Variants in IGF2R observed in about 807,000 individuals in gnomAD.
IGF2R encodes cation-independent mannose-6-phosphate receptor.
A neutral mutation model predicts 270.6 loss-of-function variants in IGF2R; 91 were observed. That is an observed-to-expected ratio of 0.34 (90% CI 0.28 to 0.40). IGF2R has a LOEUF of 0.40. IGF2R is among the 10% of genes least tolerant of loss of function. IGF2R has a pLI of 1.00. For synonymous variants in IGF2R, 1,316 were observed against 1,258.9 expected, an observed-to-expected ratio of 1.05 and a Z score of -0.96; for missense variants, 2,805 against 3,188.3, an observed-to-expected ratio of 0.88 and a Z score of 2.90.
chr6:159,990,561 A>T (rs1783961382), intron 1 of IGF2R, among the ~76,000 whole-genome samples: 1 of 152,190 alleles, frequency 6.6e-6, no homozygotes, highest in Non-Finnish European at 1.5e-5. Flanking sequence ...GTATGTCTTT[A>T]TTAGCAGTGT....
intron 31 of IGF2R, among the ~76,000 whole-genome samples, chr6:160,070,847 G>A (rs1778703725): frequency 6.6e-6 from 1 of 152,216 alleles, no homozygotes; most frequent in Non-Finnish European, 1.5e-5. Context: ...CTTCAGGCCT[G>A]CCCTCTTGCC....
chr6:160,043,012 A>C, intron 11 of IGF2R, 136 bp from the exon 12 acceptor site: 1 of 871,152 alleles, frequency 1.1e-6, no homozygotes, highest in Non-Finnish European at 1.8e-6. Context: ...CGGGTTCCAG[A>C]AACAGCGCTG....
intron 4 of IGF2R, among the ~76,000 whole-genome samples, chr6:160,020,882 C>T (rs1291600519): frequency 2.0e-5 from 3 of 152,156 alleles, no homozygotes; most frequent in African/African-American, 7.2e-5. Context: ...CTCGGATCTT[C>T]GCCTAGGCAA....
intron 4 of IGF2R, among the ~76,000 whole-genome samples, chr6:160,016,467 CATGGG>C (rs1777303102): frequency 6.6e-6 from 1 of 152,232 alleles, no homozygotes; most frequent in Non-Finnish European, 1.5e-5. Context: ...TTGTCTGGGA[CATGGG>C]AGTAGCCTCC....
intron 2 of IGF2R, chr6:160,007,251 G>A (rs897960071): frequency 6.6e-5 from 10 of 152,318 alleles, no homozygotes; most frequent in Admixed American, 1.3e-4. Flanking sequence ...AGACCTGAGT[G>A]GAGTAACTAG....
intron 23 of IGF2R, among the ~76,000 whole-genome samples, chr6:160,061,160 AG>A (rs1031600478): frequency 9.9e-5 from 15 of 152,252 alleles, no homozygotes; most frequent in African/African-American, 3.6e-4. Flanking sequence ...TTCCTTGTCA[AG>A]GGCAGTGGGG....
intron 42 of IGF2R, among the ~76,000 whole-genome samples, chr6:160,088,563 A>G (rs1282331182): frequency 6.6e-6 from 1 of 152,176 alleles, no homozygotes; most frequent in Non-Finnish European, 1.5e-5. Context: ...TCCCGGCCAC[A>G]TTGCATCTGG....
intron 39 of IGF2R, among the ~76,000 whole-genome samples, chr6:160,082,683 G>A (rs1044554602): frequency 6.6e-6 from 1 of 152,236 alleles, no homozygotes; most frequent in Non-Finnish European, 1.5e-5. Context: ...ACCTAGGGCT[G>A]TGGGGTTATT....
At position 160,040,675 on chromosome 6, in the gene IGF2R, C is replaced by A; in HGVS notation, c.1431C>A (p.Ala477=). 6 of 1,614,210 alleles carry A rather than the reference C, an allele frequency of 3.7e-6. No individual in the cohort carries two copies. The highest frequency in any genetic ancestry group is 5.1e-6 in the Non-Finnish European group (6 of 1,180,034). ...VKEKEDLLCG[A]TDGKKRYDLS... is the part of the protein sequence containing the mutation. ...AGAAGGAAGACCTCCTCTGCGGTGC[C>A]ACCGACGGGAAGAAGCGCTATGACC... Residue 477 remains alanine, a synonymous_variant, in exon 11 of 48, where the codon GCC becomes GCA. Transcript: ENST00000356956.
chr6:160,073,263 C>G lies in IGF2R; in HGVS notation c.4741C>G (p.Leu1581Val). 2.5e-6 allele frequency: 4 copies of G among 1,614,260 alleles called. No homozygotes were observed. The highest frequency in any genetic ancestry group is 3.4e-6 in the Non-Finnish European group (4 of 1,180,046). Reference protein sequence around the residue: ...RISVGKANKRLRYVDQVLQLV... With the variant: ...RISVGKANKRVRYVDQVLQLV... ...TAGCGTGGGCAAGGCCAACAAGAGGCTGAGATACGTGGACCAGGTCCTGCA... is the reference window on the plus strand; with the variant it reads ...TAGCGTGGGCAAGGCCAACAAGAGGGTGAGATACGTGGACCAGGTCCTGCA... Residue 1581 changes from leucine (L) to valine (V), a missense_variant, in exon 34 of 48, where the codon CTG becomes GTG. Coordinates refer to ENST00000356956, the MANE Select transcript of IGF2R (RefSeq NM_000876.4).
chr6:160,040,695 A>G lies in IGF2R; in HGVS notation c.1451A>G (p.Tyr484Cys), dbSNP rs761828724. The change falls in exon 11 of 48, where the codon TAT becomes TGT. Residue 484 changes from tyrosine (Y) to cysteine (C), a missense_variant. By Grantham distance (194) the Tyr-to-Cys change is radical. Around this residue, in one of 2 missense-constraint regions of IGF2R, gnomAD observed 954 missense variants for 981.1 expected, o/e 0.97. Transcript: ENST00000356956. ...GGTGCCACCGACGGGAAGAAGCGCT[A>G]TGACCTGTCCGCGCTGGTCCGCCAT... ...LCGATDGKKR[Y>C]DLSALVRHAE... 6.2e-7 allele frequency: 1 copy of G among 1,614,176 alleles called. No homozygotes were observed.
At chr6:160,051,586 G>A (rs80132824) in intron 19 of IGF2R, among the ~76,000 whole-genome samples, 486 of 152,282 alleles carry the variant, frequency 3.2e-3, no homozygotes, top group Non-Finnish European at 4.9e-3. Flanking sequence ...CCACAGATAG[G>A]AATCTGAGGC....
At chr6:160,093,881 A>G in intron 44 of IGF2R, 1 of 724,964 alleles carries the variant, frequency 1.4e-6, no homozygotes, top group Non-Finnish European at 2.6e-6. Context: ...CGCAGACAGG[A>G]CCATTCAGGA....
At chr6:160,031,872 G>A (rs1388560828) in intron 7 of IGF2R, among the ~76,000 whole-genome samples, 1 of 152,174 alleles carries the variant, frequency 6.6e-6, no homozygotes, top group East Asian at 1.9e-4. Context: ...TTAAAAAGCT[G>A]GCAGTGACAT....
chr6:160,081,335 G>A (rs532211958), intron 39 of IGF2R, among the ~76,000 whole-genome samples: 32 of 152,046 alleles, frequency 2.1e-4, no homozygotes, highest in Non-Finnish European at 3.1e-4. Context: ...CCCCCGAGCC[G>A]CAAAACCAGC....
intron 2 of IGF2R, among the ~76,000 whole-genome samples, chr6:159,993,643 C>T (rs1030435238): frequency 2.6e-5 from 4 of 152,146 alleles, no homozygotes; most frequent in Admixed American, 2.6e-4. Context: ...AATTTGAAGT[C>T]AGGTAACATG....
intron 35 of IGF2R, 95 bp from the exon 36 acceptor site, chr6:160,075,752 G>A (rs1309160618): frequency 8.6e-6 from 11 of 1,283,528 alleles, no homozygotes; most frequent in Non-Finnish European, 1.1e-5. Flanking sequence ...AACCTATGAG[G>A]TCTGGTTTTT....
intron 2 of IGF2R, among the ~76,000 whole-genome samples, chr6:159,997,629 T>A (rs966532048): frequency 6.6e-6 from 1 of 152,200 alleles, no homozygotes; most frequent in African/African-American, 2.4e-5. Flanking sequence ...TCAGGGCTCC[T>A]AGCCGCTCTC....
intron 46 of IGF2R, among the ~76,000 whole-genome samples, chr6:160,103,251 A>G (rs1050508613): frequency 5.9e-5 from 9 of 151,554 alleles, no homozygotes; most frequent in African/African-American, 1.9e-4. Context: ...AGTACCAACC[A>G]TGGAGGTTGC....
Sources: gnomAD v4.1 joint callset for allele counts (sites outside exome capture counted in the v4.1 genomes callset) on GRCh38, gnomAD v4.1.1 for gene constraint, gnomAD v4.1.1 regional missense constraint, MANE v1.5 for transcripts, NCBI Gene and HGNC (gene_info 2026-07-23, HGNC 2026-07-21) for gene names.